Variants in DLG2 observed in about 807,000 individuals in gnomAD.
The protein encoded by DLG2 is discs large MAGUK scaffold protein 2.
In DLG2, 45 loss-of-function variants were observed where a neutral mutation model predicts 132.5. The ratio of observed to expected loss-of-function variants is 0.34; its 90% CI spans 0.27 to 0.44. DLG2 has a LOEUF of 0.44. Among genes scored for constraint, DLG2 ranks in the 20% least tolerant of loss-of-function variants. The probability of loss-of-function intolerance (pLI) is 1.00; values close to 1 mark genes in which losing one functional copy is unlikely to be tolerated. For missense variants in DLG2, 1,045 were observed against 1,196.9 expected (o/e 0.87, Z 1.87); for synonymous variants, 424 against 419.6 (o/e 1.01, Z -0.13).
intron 6 of DLG2, among the ~76,000 whole-genome samples, chr11:84,703,537 C>G (rs1355348373): frequency 6.6e-6 from 1 of 151,430 alleles, no homozygotes; most frequent in East Asian, 1.9e-4. Flanking sequence ...AATACACCCT[C>G]TATGAGATAA....
At chr11:85,166,177 C>T (rs10898374) in intron 4 of DLG2, among the ~76,000 whole-genome samples, 18,769 of 152,136 alleles carry the variant, frequency 0.12, 1,602 homozygotes, top group Non-Finnish European at 0.19. Flanking sequence ...CTATTTGCCA[C>T]CCAATCTCTT....
chr11:84,121,947 T>C (rs1362322284), intron 9 of DLG2, among the ~76,000 whole-genome samples: 3 of 152,142 alleles, frequency 2.0e-5, no homozygotes, highest in Admixed American at 2.0e-4. Context: ...AGAGTAGGAC[T>C]TATCAGCCCC....
At chr11:84,455,598 GA>G (rs905681490) in intron 7 of DLG2, among the ~76,000 whole-genome samples, 2 of 150,762 alleles carry the variant, frequency 1.3e-5, no homozygotes, top group African/African-American at 4.9e-5. Flanking sequence ...GAAATCAAAG[GA>G]AAAATGTGGA....
chr11:83,853,514 C>T (rs1292050514), intron 16 of DLG2, among the ~76,000 whole-genome samples: 7 of 152,108 alleles, frequency 4.6e-5, no homozygotes, highest in Admixed American at 1.3e-4. Flanking sequence ...AACATAGAGG[C>T]TTATTAGAAG....
At chr11:85,269,820 C>G (rs1161234774) in intron 4 of DLG2, among the ~76,000 whole-genome samples, 1 of 152,116 alleles carries the variant, frequency 6.6e-6, no homozygotes, top group Non-Finnish European at 1.5e-5. Flanking sequence ...GTATGTTTCA[C>G]TTACTGGTTG....
At chr11:84,282,076 A>C (rs1274542630) in intron 7 of DLG2, among the ~76,000 whole-genome samples, 1 of 152,240 alleles carries the variant, frequency 6.6e-6, no homozygotes, top group Non-Finnish European at 1.5e-5. Context: ...AAATATTCAT[A>C]GTAGCTTTAT....
At chr11:84,639,437 C>T (rs1175875626) in intron 6 of DLG2, among the ~76,000 whole-genome samples, 2 of 150,444 alleles carry the variant, frequency 1.3e-5, no homozygotes, top group African/African-American at 4.9e-5. Context: ...ACAAATAAAG[C>T]ATAAACAAAT....
chr11:85,492,041 GAC>G (rs1435325146), intron 3 of DLG2, among the ~76,000 whole-genome samples: 1 of 152,010 alleles, frequency 6.6e-6, no homozygotes, highest in Non-Finnish European at 1.5e-5. Context: ...CATAAAGCCA[GAC>G]ACATAAATCA....
chr11:84,889,890 G>A (rs1220722797), intron 6 of DLG2, among the ~76,000 whole-genome samples: 2 of 152,254 alleles, frequency 1.3e-5, no homozygotes, highest in Middle Eastern at 3.4e-3. Context: ...TGGCAGATGA[G>A]GGAACACACC....
At chr11:84,987,772 G>T (rs182605064) in intron 6 of DLG2, among the ~76,000 whole-genome samples, 1 of 152,276 alleles carries the variant, frequency 6.6e-6, no homozygotes, top group East Asian at 1.9e-4. Flanking sequence ...ATCAACTCAA[G>T]ATGGATCAAG....
intron 3 of DLG2, among the ~76,000 whole-genome samples, chr11:85,434,028 A>G (rs945832542): frequency 2.6e-5 from 4 of 152,198 alleles, no homozygotes; most frequent in Non-Finnish European, 5.9e-5. Context: ...CTCACTCAAA[A>G]CCAAACAATT....
Position 85,212,335 on chromosome 11 carries a change from T to TTC in DLG2, c.187-57686_187-57685dup, listed in dbSNP as rs996649557. 2.6e-5 allele frequency among the ~76,000 whole-genome samples: 4 copies of TTC among 151,624 alleles called. No individual in the cohort carries two copies. The East Asian group carries it at 5.8e-4, about 22-fold the overall frequency. ...TCCTCTCCCCTTTCTTTCTCCGTCTTTCTCTCTCTCTCTGTCTTCCTCTCT... is the reference window on the plus strand; with the variant it reads ...TCCTCTCCCCTTTCTTTCTCCGTCTTTCTCTCTCTCTCTCTGTCTTCCTCTCT... On this transcript the variant is annotated intron_variant, in intron 4 of 27. Transcript: ENST00000376104.
At chr11:85,308,374 A>T (rs1305607337) in intron 3 of DLG2, among the ~76,000 whole-genome samples, 1 of 151,614 alleles carries the variant, frequency 6.6e-6, no homozygotes, top group Admixed American at 6.6e-5. Flanking sequence ...CAGGATGCCG[A>T]TTTCTACAGA....
chr11:85,257,121 G>A (rs1294762908), intron 4 of DLG2, among the ~76,000 whole-genome samples: 3 of 152,158 alleles, frequency 2.0e-5, no homozygotes, highest in Non-Finnish European at 2.9e-5. Context: ...TGTATAGACA[G>A]GGAATGAATA....
chr11:85,291,555 A>C (rs1359314387), intron 3 of DLG2, among the ~76,000 whole-genome samples: 1 of 149,706 alleles, frequency 6.7e-6, no homozygotes, highest in Non-Finnish European at 1.5e-5. Context: ...TAATCCCAAA[A>C]ATTTACCAAA....
intron 17 of DLG2, among the ~76,000 whole-genome samples, chr11:83,810,757 T>C (rs2047051920): frequency 6.6e-6 from 1 of 152,122 alleles, no homozygotes; most frequent in Non-Finnish European, 1.5e-5. Context: ...TCATTTATTC[T>C]AGAAACATTT....
chr11:83,888,736 T>C (rs2068740411), intron 15 of DLG2, among the ~76,000 whole-genome samples: 1 of 152,136 alleles, frequency 6.6e-6, no homozygotes, highest in African/African-American at 2.4e-5. Context: ...CAAAACAGCA[T>C]GGTACTGGTA....
At chr11:85,556,177 A>G (rs1473246860) in intron 3 of DLG2, among the ~76,000 whole-genome samples, 1 of 151,830 alleles carries the variant, frequency 6.6e-6, no homozygotes, top group African/African-American at 2.4e-5. Flanking sequence ...TAGGAATCAA[A>G]TACAAGAAGT....
chr11:85,493,937 A>T (rs893855426), intron 3 of DLG2, among the ~76,000 whole-genome samples: 1 of 152,160 alleles, frequency 6.6e-6, no homozygotes, highest in Admixed American at 6.5e-5. Context: ...CACCAGTAGG[A>T]TTGGCATTCA....
Sources: gnomAD v4.1 joint callset for allele counts (sites outside exome capture counted in the v4.1 genomes callset) on GRCh38, gnomAD v4.1.1 for gene constraint, MANE v1.5 for transcripts, NCBI Gene and HGNC (gene_info 2026-07-23, HGNC 2026-07-21) for gene names.